SLFN12L: variants seen among roughly 807,000 people sequenced by gnomAD.
SLFN12L encodes schlafen family member 12 like.
In SLFN12L, 34 loss-of-function variants were observed where a neutral mutation model predicts 34.8. The observed-to-expected ratio is 0.98, with a 90% confidence interval of 0.74 to 1.30. SLFN12L has a LOEUF of 1.30. SLFN12L is among the 50% of genes most tolerant of loss of function. SLFN12L has a pLI of 0.00. For synonymous variants in SLFN12L, 259 were observed against 247.5 expected, an observed-to-expected ratio of 1.05 and a Z score of -0.44; for missense variants, 703 against 696.2, an observed-to-expected ratio of 1.01 and a Z score of -0.11.
chr17:35,489,731 C>T (rs546479603), intron 2 of SLFN12L, among the ~76,000 whole-genome samples: 1 of 152,066 alleles, frequency 6.6e-6, no homozygotes, highest in East Asian at 1.9e-4. Flanking sequence ...CAATAGATAC[C>T]GAAAAAGCAT....
At chr17:35,523,527 T>C (rs1343027408) in intron 1 of SLFN12L, among the ~76,000 whole-genome samples, 1 of 152,228 alleles carries the variant, frequency 6.6e-6, no homozygotes, top group East Asian at 1.9e-4. Flanking sequence ...GCAGAATTGT[T>C]GCATCACATA....
intron 2 of SLFN12L, chr17:35,490,530 T>C: frequency 2.3e-6 from 2 of 869,344 alleles, no homozygotes; most frequent in Non-Finnish European, 4.0e-6. Flanking sequence ...AGTCTAAAAA[T>C]AACGTCCAGT....
intron 2 of SLFN12L, among the ~76,000 whole-genome samples, chr17:35,520,955 T>A (rs1915979295): frequency 6.6e-6 from 1 of 152,122 alleles, no homozygotes; most frequent in Non-Finnish European, 1.5e-5. Flanking sequence ...CTGTCTAAGC[T>A]TCCCCCCAAT....
At chr17:35,481,174 C>A (rs1020186407) in intron 2 of SLFN12L, among the ~76,000 whole-genome samples, 1 of 152,212 alleles carries the variant, frequency 6.6e-6, no homozygotes, top group Non-Finnish European at 1.5e-5. Context: ...CACCCGTCAC[C>A]TAGCAGACCT....
At chr17:35,498,410 A>G in intron 2 of SLFN12L, 1 of 1,289,832 alleles carries the variant, frequency 7.8e-7, no homozygotes, top group Non-Finnish European at 1.1e-6. Flanking sequence ...CTTGCCAGGC[A>G]GAGCCCCAGC....
Position 35,471,557 on chromosome 17 carries a change from A to T in SLFN12L, c.*3366T>A, listed in dbSNP as rs964184671. Among the ~76,000 whole-genome samples, 15 of 152,234 alleles carry T rather than the reference A, an allele frequency of 9.9e-5. No individual in the cohort carries two copies. Among genetic ancestry groups the T allele is most frequent in the Non-Finnish European group, 2.1e-4 (14 of 68,046 alleles). On this transcript the variant is annotated 3_prime_UTR_variant, in exon 5 of 5. Transcript: ENST00000628453. The stretch of plus-strand genomic sequence containing the variant: ...TTGAGGAATCGCCACACTGTCTTCC[A>T]CAATGGTTGAACTAATTTACATTCC...
intron 2 of SLFN12L, chr17:35,480,500 T>G: frequency 4.0e-6 from 1 of 247,826 alleles, no homozygotes; most frequent in Non-Finnish European, 7.6e-6. Context: ...CTCTCTTCTT[T>G]CTTTAAGTAA....
Position 35,465,962 on chromosome 17 carries a change from C to G in SLFN12L, c.*8961G>C, listed in dbSNP as rs1227314025. Among the ~76,000 whole-genome samples, 2 of 151,834 alleles carry G rather than the reference C, an allele frequency of 1.3e-5. No homozygotes were observed. The highest frequency in any genetic ancestry group is 2.9e-5 in the Non-Finnish European group (2 of 67,968). ...GTACCTTCACAATTTTGCCATCATG[C>G]ACACATCTTACAGACAAGATCTTTT... On this transcript the variant is annotated 3_prime_UTR_variant, in exon 5 of 5. Coordinates refer to ENST00000628453, the MANE Select transcript of SLFN12L (RefSeq NM_001363830.2).
At position 35,535,962 on chromosome 17, in the gene SLFN12L, A is replaced by AGTTTGTTTGTTT. The variant is rs111617647; in HGVS notation, c.-606+1599_-606+1610dup. ...TGAGCCACCACACCCGGCCCTGGCT[A>AGTTTGTTTGTTT]GTTTGTTTGTTTGTTTGTTTGTTTG... On this transcript the variant is annotated intron_variant, in intron 1 of 4. Coordinates refer to ENST00000628453, the MANE Select transcript of SLFN12L (RefSeq NM_001363830.2). 8.2e-3 allele frequency among the ~76,000 whole-genome samples: 1,228 copies of AGTTTGTTTGTTT among 149,640 alleles called. 12 individuals carry two copies. Among genetic ancestry groups the AGTTTGTTTGTTT allele is most frequent in the South Asian group, 0.027 (129 of 4,714 alleles).
chr17:35,535,656 T>G (rs1457811839), intron 1 of SLFN12L, among the ~76,000 whole-genome samples: 2 of 151,838 alleles, frequency 1.3e-5, no homozygotes, highest in African/African-American at 2.4e-5. Context: ...CTGGCTAGCT[T>G]TTTTTGTTTT....
chr17:35,496,071 C>A (rs541115403), intron 2 of SLFN12L, among the ~76,000 whole-genome samples: 2 of 152,134 alleles, frequency 1.3e-5, no homozygotes, highest in East Asian at 3.9e-4. Context: ...TCGTCCCCAC[C>A]CCCGGAACGG....
chr17:35,498,501 C>T (rs1915179250), intron 2 of SLFN12L: 1 of 1,214,300 alleles, frequency 8.2e-7, no homozygotes, highest in Non-Finnish European at 1.2e-6. Context: ...GATGCCTCTC[C>T]TTTATCCTCT....
intron 2 of SLFN12L, among the ~76,000 whole-genome samples, chr17:35,521,285 A>G (rs762881883): frequency 6.6e-6 from 1 of 152,202 alleles, no homozygotes; most frequent in Non-Finnish European, 1.5e-5. Context: ...GGAAATCCAG[A>G]TAAATTGCGG....
intron 2 of SLFN12L, among the ~76,000 whole-genome samples, chr17:35,496,646 A>G (rs546289081): frequency 8.8e-4 from 134 of 152,016 alleles, no homozygotes; most frequent in South Asian, 1.3e-3. Flanking sequence ...CTGGATTTAA[A>G]GCCTGTGCAG....
chr17:35,480,681 A>G (rs1307810407), intron 2 of SLFN12L, among the ~76,000 whole-genome samples: 1 of 152,168 alleles, frequency 6.6e-6, no homozygotes, highest in African/African-American at 2.4e-5. Flanking sequence ...AAGAGGGTCC[A>G]GCAATAATAA....
chr17:35,475,513 A>C lies in SLFN12L; in HGVS notation c.1277-28T>G, dbSNP rs1329718174. 2.0e-6 allele frequency: 3 copies of C among 1,528,046 alleles called. No homozygotes were observed. The African/African-American group carries it at 4.2e-5, about 21-fold the overall frequency. 94.7% of individuals were successfully genotyped at this position (1,528,046 alleles called of 1,614,324 possible). A position where few individuals can be genotyped will look rare whatever the true frequency, so the allele number is the denominator to read the frequency against. ...AGATGGGGAAATAATGATAAATTAT[A>C]AAAGACTGAGAACTTCCAACTTAAG... On this transcript the variant is annotated intron_variant, in intron 4 of 4. Transcript: ENST00000628453.
chr17:35,500,723 T>G (rs1915264462), intron 2 of SLFN12L, among the ~76,000 whole-genome samples: 1 of 128,810 alleles, frequency 7.8e-6, no homozygotes, highest in African/African-American at 3.1e-5. Flanking sequence ...AGCGAGACTC[T>G]GTCTCAAAAA....
rs1233431005 is a variant in SLFN12L at position 35,470,088 on chromosome 17, T to C, written c.*4835A>G. On this transcript the variant is annotated 3_prime_UTR_variant, in exon 5 of 5. Transcript: ENST00000628453. The stretch of plus-strand genomic sequence containing the variant: ...CTAGTCCATCTGTGTTGACACTCAG[T>C]CACCTCCATAAATCAAAACTTCAAG... The C allele has an allele frequency of 6.6e-6, 1 of 152,264 alleles. No individual in the cohort carries two copies. Among genetic ancestry groups the C allele is most frequent in the Non-Finnish European group, 1.5e-5 (1 of 68,068 alleles). 9.4% of individuals were successfully genotyped at this position (152,264 alleles called of 1,614,324 possible). A position where few individuals can be genotyped will look rare whatever the true frequency, so the allele number is the denominator to read the frequency against.
Position 35,496,708 on chromosome 17 carries a change from G to A in SLFN12L, c.87-16513C>T, listed in dbSNP as rs563133860. On this transcript the variant is annotated intron_variant, in intron 2 of 4. Transcript: ENST00000628453. ...ATTTTCCTGTCCTCCCCAGGACTGG[G>A]AGAGTGCAGCGCTCCTCTTTCCCTT... 2.6e-5 allele frequency among the ~76,000 whole-genome samples: 4 copies of A among 152,266 alleles called. No individual in the cohort carries two copies. In the South Asian group the frequency reaches 6.2e-4, roughly 24 times the overall value.
Sources: allele counts gnomAD v4.1 joint callset (sites outside exome capture counted in the v4.1 genomes callset), GRCh38; gene constraint gnomAD v4.1.1; transcripts MANE v1.5; gene names NCBI Gene and HGNC (gene_info 2026-07-23, HGNC 2026-07-21).